The following C6orf141 variants were observed in gnomAD, a reference collection of about 807,000 sequenced individuals.
C6orf141 encodes the protein chromosome 6 open reading frame 141.
For missense variants in C6orf141, 361 were observed against 335.8 expected, an observed-to-expected ratio of 1.07 and a Z score of -0.59; for synonymous variants, 164 against 140.5, an observed-to-expected ratio of 1.17 and a Z score of -1.18.
downstream of C6orf141, chr6:49,553,306 C>G (rs1230543550): frequency 6.6e-6 from 1 of 152,226 alleles, no homozygotes; most frequent in Non-Finnish European, 1.5e-5. Context: ...TGCAAGGCCT[C>G]TTGGCTGGAG....
downstream of C6orf141, among the ~76,000 whole-genome samples, chr6:49,555,656 T>G (rs960811473): frequency 6.6e-6 from 1 of 152,080 alleles, no homozygotes; most frequent in African/African-American, 2.4e-5. Context: ...CTACAGGCGC[T>G]CGCCATCACG....
intron 4 of C6orf141, among the ~76,000 whole-genome samples, chr6:49,557,984 C>A (rs1247689405): frequency 6.6e-6 from 1 of 151,340 alleles, no homozygotes; most frequent in Non-Finnish European, 1.5e-5. Flanking sequence ...CTCCGCCTCC[C>A]GGGTTCAAGT....
At chr6:49,554,696 T>A (rs911920809), downstream of C6orf141, among the ~76,000 whole-genome samples, 1 of 152,160 alleles carries the variant, frequency 6.6e-6, no homozygotes, top group African/African-American at 2.4e-5. Flanking sequence ...TGAGTTAATT[T>A]TAAGTGATTT....
At position 49,551,818 on chromosome 6, in the gene C6orf141, A is replaced by G. The variant is rs1770693786; in HGVS notation, c.*291A>G. 1.6e-6 allele frequency: 2 copies of G among 1,264,444 alleles called. No individual in the cohort carries two copies. Among genetic ancestry groups the G allele is most frequent in the Non-Finnish European group, 2.0e-6 (2 of 993,290 alleles). 78.3% of individuals were successfully genotyped at this position (1,264,444 alleles called of 1,614,324 possible). A position where few individuals can be genotyped will look rare whatever the true frequency, so the allele number is the denominator to read the frequency against. On this transcript the variant is annotated 3_prime_UTR_variant, in exon 1 of 1. Coordinates refer to ENST00000529246, the MANE Select transcript of C6orf141 (RefSeq NM_001145652.2). ...ATGAGAAAACCTGTTGTTAATTTGC[A>G]TTTTGGAATAACTCTCAATTGATCT...
intron 4 of C6orf141, chr6:49,560,595 G>A (rs4711929): frequency 0.042 from 6,448 of 152,318 alleles, 191 homozygotes; most frequent in South Asian, 0.098. Flanking sequence ...CCTGCCTCCC[G>A]GGTTCAAGCT....
At chr6:49,558,066 T>TG (rs1402308117) in intron 4 of C6orf141, among the ~76,000 whole-genome samples, 126 of 135,118 alleles carry the variant, frequency 9.3e-4, no homozygotes, top group African/African-American at 3.3e-3. Context: ...TATGTTTTTT[T>TG]TTTTTTTTTT....
intron 4 of C6orf141, among the ~76,000 whole-genome samples, chr6:49,558,762 C>T (rs1772605699): frequency 6.6e-6 from 1 of 151,950 alleles, no homozygotes; most frequent in Non-Finnish European, 1.5e-5. Flanking sequence ...GGCTGGAGTG[C>T]AGTGGCACGA....
At chr6:49,557,389 C>T (rs115968701) in intron 4 of C6orf141, among the ~76,000 whole-genome samples, 1,683 of 152,252 alleles carry the variant, frequency 0.011, 11 homozygotes, top group South Asian at 0.031. Flanking sequence ...ATCATTTGTG[C>T]TTGGCAGGAA....
chr6:49,556,924 A>G (rs1256028943), downstream of C6orf141, among the ~76,000 whole-genome samples: 1 of 152,236 alleles, frequency 6.6e-6, no homozygotes, highest in Non-Finnish European at 1.5e-5. Flanking sequence ...CAAAGCAAGG[A>G]ACTAACCAAA....
rs961205148 is a variant in C6orf141, at chr6:49,550,851, T to C, written c.59T>C (p.Met20Thr). The C allele has an allele frequency of 6.7e-7, 1 of 1,496,902 alleles. No individual in the cohort carries two copies. Among genetic ancestry groups the C allele is most frequent in the Non-Finnish European group, 8.9e-7 (1 of 1,127,128 alleles). The allele number at this position is 1,496,902 out of a possible 1,614,324, so 92.7% of individuals were successfully genotyped here. Residue 20 changes from methionine to threonine, a missense_variant, in exon 1 of 1, where the codon ATG (methionine) becomes ACG (threonine). Transcript: ENST00000529246. ...GGGCCTCAGGGAGCTGCGAATCCCA[T>C]GGACTCCTCCCGCAGCCTGGGGGAC... Reference protein sequence around the residue: ...TRGPQGAANPMDSSRSLGDLG... With the variant: ...TRGPQGAANPTDSSRSLGDLG...
At chr6:49,553,789 T>A (rs1771185434), downstream of C6orf141, among the ~76,000 whole-genome samples, 1 of 152,164 alleles carries the variant, frequency 6.6e-6, no homozygotes, top group African/African-American at 2.4e-5. Flanking sequence ...GAGGGTTTTT[T>A]TTTTTTAGGG....
chr6:49,556,951 TA>T (rs1274172663), downstream of C6orf141, among the ~76,000 whole-genome samples: 2 of 152,170 alleles, frequency 1.3e-5, no homozygotes, highest in Non-Finnish European at 2.9e-5. Flanking sequence ...CTTACATTTC[TA>T]ACCTTAAAAC....
intron 4 of C6orf141, among the ~76,000 whole-genome samples, chr6:49,558,857 G>A (rs575785412): frequency 1.6e-4 from 24 of 151,712 alleles, no homozygotes; most frequent in Admixed American, 4.6e-4. Flanking sequence ...ACAGGTGCCC[G>A]CCACCATGCC....
At chr6:49,554,448 T>C (rs1771358328), downstream of C6orf141, among the ~76,000 whole-genome samples, 1 of 152,186 alleles carries the variant, frequency 6.6e-6, no homozygotes, top group South Asian at 2.1e-4. Flanking sequence ...TGGCACGATC[T>C]CTGCTCACTC....
At chr6:49,558,057 A>ATGTTTTTTTTTTTT (rs1561996123) in intron 4 of C6orf141, among the ~76,000 whole-genome samples, 2 of 86,368 alleles carry the variant, frequency 2.3e-5, no homozygotes, top group African/African-American at 8.9e-5. Context: ...ACACTCAAAT[A>ATGTTTTTTTTTTTT]TGTTTTTTTT....
chr6:49,551,137 C>A lies in C6orf141; in HGVS notation c.345C>A (p.Asp115Glu). 3 of 1,551,698 alleles carry A rather than the reference C, an allele frequency of 1.9e-6. No individual in the cohort carries two copies. The highest frequency in any genetic ancestry group is 1.4e-5 in the African/African-American group (1 of 73,172). Residue 115 changes from aspartate (D) to glutamate (E), a missense_variant, in exon 1 of 1, where the codon GAC becomes GAA. Transcript: ENST00000529246. ...GGGAAGAGGTGGCCGGTGCAGAGGA[C>A]CTTCCTCATGCGGGTGGAGAGGACC... ...PAREEVAGAEDLPHAGGEDHG... is the reference protein window; with the variant it reads ...PAREEVAGAEELPHAGGEDHG...
intron 4 of C6orf141, among the ~76,000 whole-genome samples, chr6:49,557,109 C>T (rs73433806): frequency 0.037 from 5,681 of 152,026 alleles, 172 homozygotes; most frequent in African/African-American, 0.08. Context: ...CAGAATTAGC[C>T]GAGGTGATGG....
At chr6:49,559,427 T>C (rs1772823960) in intron 4 of C6orf141, among the ~76,000 whole-genome samples, 1 of 151,822 alleles carries the variant, frequency 6.6e-6, no homozygotes, top group Non-Finnish European at 1.5e-5. Context: ...TTTGGCATAG[T>C]TTAATCCTGT....
At chr6:49,552,821 A>T (rs1770944009), downstream of C6orf141, among the ~76,000 whole-genome samples, 2 of 152,272 alleles carry the variant, frequency 1.3e-5, no homozygotes, top group Non-Finnish European at 2.9e-5. Flanking sequence ...TGGATGAAGA[A>T]TGTGATAATC....
Sources: allele counts gnomAD v4.1 joint callset (sites outside exome capture counted in the v4.1 genomes callset), GRCh38; gene constraint gnomAD v4.1.1; transcripts MANE v1.5; gene names NCBI Gene and HGNC (gene_info 2026-07-23, HGNC 2026-07-21).